The following DCDC1 variants were observed in gnomAD, a reference collection of about 807,000 sequenced individuals.
DCDC1 encodes the protein doublecortin domain containing 1, also known as doublecortin domain-containing protein 1.
In DCDC1, 200 loss-of-function variants were observed where a neutral mutation model predicts 178.3. That is an observed-to-expected ratio of 1.12 (90% CI 1.00 to 1.26). The LOEUF (loss-of-function observed/expected upper bound fraction) is 1.26, where lower values mean the gene tolerates loss of function less well. Among genes scored for constraint, DCDC1 ranks in the 50% most tolerant of loss-of-function variants. The pLI is 0.00. For missense variants in DCDC1, 1,983 were observed against 1,749.2 expected, an observed-to-expected ratio of 1.13 and a Z score of -2.38; for synonymous variants, 690 against 604.8, an observed-to-expected ratio of 1.14 and a Z score of -2.07.
At chr11:31,241,799 T>C in intron 8 of DCDC1, 183 bp from the exon 9 acceptor site, 1 of 365,230 alleles carries the variant, frequency 2.7e-6, no homozygotes, top group Non-Finnish European at 4.9e-6. Context: ...GTATTTATAT[T>C]GAGACACCCC....
intron 9 of DCDC1, among the ~76,000 whole-genome samples, chr11:31,158,996 G>C (rs1001412699): frequency 4.6e-5 from 7 of 151,282 alleles, no homozygotes; most frequent in African/African-American, 1.7e-4. Context: ...AATATAAATT[G>C]GATGTATACC....
chr11:31,153,239 C>G (rs1965360733), intron 9 of DCDC1, among the ~76,000 whole-genome samples: 1 of 152,192 alleles, frequency 6.6e-6, no homozygotes, highest in Non-Finnish European at 1.5e-5. Flanking sequence ...CCCTCCTCAT[C>G]TGCCTCTTCT....
intron 11 of DCDC1, among the ~76,000 whole-genome samples, chr11:31,113,745 T>C (rs1363594244): frequency 6.6e-6 from 1 of 152,096 alleles, no homozygotes; most frequent in East Asian, 1.9e-4. Flanking sequence ...TCTATAGAGA[T>C]AATCGAAAGA....
chr11:31,332,213 A>C (rs1950028955), intron 2 of DCDC1, among the ~76,000 whole-genome samples: 1 of 152,144 alleles, frequency 6.6e-6, no homozygotes, highest in Non-Finnish European at 1.5e-5. Flanking sequence ...TTTCTGTGGG[A>C]TTAGTGGTGA....
intron 38 of DCDC1, among the ~76,000 whole-genome samples, chr11:30,869,178 G>C (rs1273519759): frequency 6.6e-6 from 1 of 152,222 alleles, no homozygotes; most frequent in Non-Finnish European, 1.5e-5. Context: ...TGGCAAAGTA[G>C]GATTCCTAGT....
At chr11:31,169,823 A>G (rs981214436) in intron 9 of DCDC1, among the ~76,000 whole-genome samples, 3 of 152,204 alleles carry the variant, frequency 2.0e-5, no homozygotes, top group Non-Finnish European at 2.9e-5. Flanking sequence ...GGAAGAAGAA[A>G]TAAGAAAGAA....
chr11:30,973,729 G>A (rs975951026), intron 20 of DCDC1, among the ~76,000 whole-genome samples: 1 of 152,074 alleles, frequency 6.6e-6, no homozygotes, highest in Non-Finnish European at 1.5e-5. Context: ...CACCCAACAC[G>A]GGTGCATGAA....
At chr11:31,212,384 A>C (rs2136542839) in intron 9 of DCDC1, among the ~76,000 whole-genome samples, 1 of 152,292 alleles carries the variant, frequency 6.6e-6, no homozygotes, top group Admixed American at 6.5e-5. Context: ...AACACACTAA[A>C]AAATGTATAA....
intron 4 of DCDC1, 78 bp downstream of exon 4, chr11:31,307,561 A>T (rs992295619): frequency 5.2e-6 from 8 of 1,538,232 alleles, no homozygotes; most frequent in Non-Finnish European, 7.0e-6. Flanking sequence ...GAGATAGTCA[A>T]TTGAAACATT....
rs558532919 is a variant in DCDC1 at position 31,207,310 on chromosome 11, T to G, written c.1221+34140A>C. On this transcript the variant is annotated intron_variant, in intron 9 of 38. Coordinates refer to ENST00000684477, the MANE Select transcript of DCDC1 (RefSeq NM_001387274.1). ...GATATTATAAATATTATACTAAATA[T>G]TATAAAGGTAAATTCTGATTATAAA... 5.9e-5 allele frequency among the ~76,000 whole-genome samples: 9 copies of G among 152,310 alleles called. No homozygotes were observed. In the South Asian group the frequency reaches 1.9e-3, roughly 32 times the overall value.
chr11:30,936,521 T>C (rs1404281904), intron 21 of DCDC1, among the ~76,000 whole-genome samples: 1 of 152,170 alleles, frequency 6.6e-6, no homozygotes, highest in Non-Finnish European at 1.5e-5. Flanking sequence ...CCTAAGCTCA[T>C]GCAGTTCAAA....
intron 21 of DCDC1, chr11:30,943,764 T>C: frequency 2.8e-6 from 1 of 358,386 alleles, no homozygotes; most frequent in South Asian, 2.2e-5. Context: ...TCCCTAGATA[T>C]ATTAAATGCT....
At chr11:31,233,423 A>G (rs1327577014) in intron 9 of DCDC1, among the ~76,000 whole-genome samples, 2 of 152,240 alleles carry the variant, frequency 1.3e-5, no homozygotes, top group Non-Finnish European at 2.9e-5. Context: ...ACTGGTTAAC[A>G]CACAGACAGA....
intron 3 of DCDC1, among the ~76,000 whole-genome samples, chr11:31,326,056 A>G (rs1361080188): frequency 2.0e-5 from 3 of 152,142 alleles, no homozygotes; most frequent in African/African-American, 7.2e-5. Context: ...AAAAGACCTC[A>G]GAGCATTGTC....
intron 20 of DCDC1, among the ~76,000 whole-genome samples, chr11:31,064,127 T>C (rs1229199725): frequency 2.0e-5 from 3 of 152,316 alleles, no homozygotes; most frequent in African/African-American, 4.8e-5. Flanking sequence ...GCCCATGGAA[T>C]AGTCTTCTTC....
chr11:30,902,775 C>T (rs1320779032), intron 32 of DCDC1, among the ~76,000 whole-genome samples: 2 of 152,094 alleles, frequency 1.3e-5, no homozygotes, highest in African/African-American at 4.8e-5. Flanking sequence ...AATTATGCCT[C>T]TCAGTACAAC....
At chr11:31,082,178 A>T (rs1350047158) in intron 17 of DCDC1, among the ~76,000 whole-genome samples, 1 of 152,210 alleles carries the variant, frequency 6.6e-6, no homozygotes, top group Non-Finnish European at 1.5e-5. Context: ...ATCAGTCATA[A>T]TATCATGACA....
At chr11:31,255,573 T>C (rs570899029) in intron 8 of DCDC1, among the ~76,000 whole-genome samples, 1 of 152,310 alleles carries the variant, frequency 6.6e-6, no homozygotes, top group East Asian at 1.9e-4. Flanking sequence ...ATTTCCCTAA[T>C]GATTAAGGAT....
At chr11:31,232,344 G>A (rs1278515341) in intron 9 of DCDC1, among the ~76,000 whole-genome samples, 1 of 152,054 alleles carries the variant, frequency 6.6e-6, no homozygotes, top group South Asian at 2.1e-4. Context: ...TTAAAATCCT[G>A]TTTTGGCATT....
Sources: gnomAD v4.1 joint callset for allele counts (sites outside exome capture counted in the v4.1 genomes callset) on GRCh38, gnomAD v4.1.1 for gene constraint, MANE v1.5 for transcripts, NCBI Gene and HGNC (gene_info 2026-07-23, HGNC 2026-07-21) for gene names.